The following ASH1L variants were observed in gnomAD, a reference collection of about 807,000 sequenced individuals.
ASH1L encodes the protein histone-lysine N-methyltransferase ASH1L.
Under a neutral mutation model 269.0 loss-of-function variants are expected in ASH1L, and 23 were observed. That is an observed-to-expected ratio of 0.09 (90% confidence interval 0.06 to 0.12). ASH1L has a LOEUF of 0.12. ASH1L is among the 10% of genes least tolerant of loss of function. The pLI, the probability that ASH1L is intolerant of heterozygous loss-of-function variation, is 1.00. For synonymous variants in ASH1L, 1,187 were observed against 1,253.5 expected (o/e 0.95, Z 1.12); for missense variants, 2,912 against 3,567.8 (o/e 0.82, Z 4.68).
In ASH1L at chr1:155,562,447, G is replaced by A. The variant is rs562456636; in HGVS notation, c.-394C>T. The A allele has an allele frequency of 4.1e-6, 6 of 1,466,432 alleles. No homozygotes were observed. The East Asian group carries it at 1.2e-4, about 30-fold the overall frequency. The allele number at this position is 1,466,432 out of a possible 1,614,324, so 90.8% of individuals were successfully genotyped here. A position where few individuals can be genotyped will look rare whatever the true frequency, so the allele number is the denominator to read the frequency against. ...GGGAGCGGCGGCGGCGGCGGCGGCA[G>A]CAGCAGAGTGGCGGCGGTGGCGGCG... On this transcript the variant is annotated 5_prime_UTR_variant, in exon 1 of 28. Transcript: ENST00000392403.
intron 2 of ASH1L, among the ~76,000 whole-genome samples, chr1:155,517,793 CTTTTT>C (rs780065449): frequency 8.5e-5 from 6 of 70,918 alleles, no homozygotes; most frequent in Non-Finnish European, 1.0e-4. Flanking sequence ...CCAATAATTT[CTTTTT>C]TTTTTTTTTT....
chr1:155,533,989 A>G lies in ASH1L; in HGVS notation c.-99-12371T>C, dbSNP rs148433916. Among the ~76,000 whole-genome samples, 201 of 152,056 alleles carry G rather than the reference A, an allele frequency of 1.3e-3. 2 individuals carry two copies. Among genetic ancestry groups the G allele is most frequent in the African/African-American group, 4.0e-3 (165 of 41,536 alleles). On this transcript the variant is annotated intron_variant, in intron 1 of 27. Transcript: ENST00000392403. ...CTGTAGATACCGTCATGAGTAACAC[A>G]AACATGGTCCTTGGTCTCATGAACT...
intron 5 of ASH1L, among the ~76,000 whole-genome samples, chr1:155,436,178 T>A (rs1222070272): frequency 6.6e-6 from 1 of 152,152 alleles, no homozygotes; most frequent in Non-Finnish European, 1.5e-5. Flanking sequence ...GTTTACAGTT[T>A]TATTTTTATT....
Position 155,357,759 on chromosome 1 carries a change from G to A in ASH1L, c.6796-10C>T, listed in dbSNP as rs1356906499. ...CACACTTACAAAGTTGCTTTGAAGGGAGAGAATAATTTTTTTATTTTTATT... is the reference window on the plus strand; with the variant it reads ...CACACTTACAAAGTTGCTTTGAAGGAAGAGAATAATTTTTTTATTTTTATT... On this transcript the variant is annotated splice_polypyrimidine_tract_variant and intron_variant, in intron 13 of 27. Transcript: ENST00000392403. 1.9e-6 allele frequency: 3 copies of A among 1,598,738 alleles called. No homozygotes were observed. The South Asian group carries it at 3.4e-5, about 18-fold the overall frequency.
intron 5 of ASH1L, among the ~76,000 whole-genome samples, chr1:155,437,138 T>A (rs555348253): frequency 1.1e-4 from 17 of 152,226 alleles, no homozygotes; most frequent in Non-Finnish European, 2.2e-4. Context: ...ATTTTGTACG[T>A]CAAAAGACAG....
At chr1:155,488,502 C>CAAAAAAAA (rs368511587) in intron 2 of ASH1L, among the ~76,000 whole-genome samples, 31 of 41,268 alleles carry the variant, frequency 7.5e-4, no homozygotes, top group African/African-American at 1.9e-3. Context: ...ACTAAAAATA[C>CAAAAAAAA]AAAAAAAAAA....
chr1:155,514,283 A>G (rs1668359958), intron 2 of ASH1L, among the ~76,000 whole-genome samples: 1 of 152,214 alleles, frequency 6.6e-6, no homozygotes, highest in Admixed American at 6.5e-5. Flanking sequence ...TAAAATGGAA[A>G]AAGTTCAGGT....
intron 2 of ASH1L, among the ~76,000 whole-genome samples, chr1:155,515,378 G>A (rs977527142): frequency 1.3e-5 from 2 of 152,114 alleles, no homozygotes; most frequent in Non-Finnish European, 2.9e-5. Context: ...AGCAGGATGC[G>A]TAAAATCCTT....
At chr1:155,367,082 C>T (rs569330417) in intron 12 of ASH1L, among the ~76,000 whole-genome samples, 2 of 151,590 alleles carry the variant, frequency 1.3e-5, no homozygotes, top group Admixed American at 1.3e-4. Context: ...CAACCTCCGC[C>T]TCCCAGGTTC....
intron 5 of ASH1L, chr1:155,419,540 T>C (rs1660501319): frequency 6.6e-6 from 1 of 152,190 alleles, no homozygotes; most frequent in Admixed American, 6.6e-5. Context: ...CAGGTGATTC[T>C]TGTTCCACAC....
intron 1 of ASH1L, among the ~76,000 whole-genome samples, chr1:155,551,202 T>C (rs1481294707): frequency 6.6e-6 from 1 of 152,154 alleles, no homozygotes; most frequent in African/African-American, 2.4e-5. Context: ...GATGATTTAA[T>C]CCACTGATAT....
intron 5 of ASH1L, among the ~76,000 whole-genome samples, chr1:155,420,084 G>A (rs1450824572): frequency 6.6e-6 from 1 of 152,136 alleles, no homozygotes; most frequent in Admixed American, 6.6e-5. Flanking sequence ...GTGGGAGGAT[G>A]AGGCGGGCGG....
intron 6 of ASH1L, among the ~76,000 whole-genome samples, chr1:155,412,261 T>A (rs1159129449): frequency 6.6e-6 from 1 of 150,900 alleles, no homozygotes; most frequent in South Asian, 2.1e-4. Context: ...AAAAAAAATT[T>A]AGCTGGGTGT....
Position 155,433,708 on chromosome 1 carries a change from G to C in ASH1L, c.5828+4619C>G, listed in dbSNP as rs574878503. The C allele has an allele frequency of 1.1e-5, 18 of 1,600,780 alleles. No homozygotes were observed. In the East Asian group the frequency reaches 3.4e-4, roughly 30 times the overall value. On this transcript the variant is annotated intron_variant, in intron 5 of 27. Transcript: ENST00000392403. ...GGCTCACCCTGGGGGTTCTATTTGG[G>C]AAGGTGTTCAGCCAAACGACCATCT...
In ASH1L at chr1:155,337,239, T is replaced by C. The variant is rs1215917501; in HGVS notation, c.*421A>G. ...CAACAGAGAATAGATGGGGTAGGAA[T>C]AGGGATCCTGGCCCTATCCCTTTGG... On this transcript the variant is annotated 3_prime_UTR_variant, in exon 28 of 28. Transcript: ENST00000392403. 1.3e-5 allele frequency: 2 copies of C among 155,962 alleles called. No homozygotes were observed. Among genetic ancestry groups the C allele is most frequent in the Non-Finnish European group, 2.8e-5 (2 of 70,524 alleles). The allele number at this position is 155,962 out of a possible 1,614,324, so 9.7% of individuals were successfully genotyped here. A position where few individuals can be genotyped will look rare whatever the true frequency, so the allele number is the denominator to read the frequency against.
At chr1:155,385,385 G>A (rs1430046306) in intron 7 of ASH1L, among the ~76,000 whole-genome samples, 3 of 152,170 alleles carry the variant, frequency 2.0e-5, no homozygotes, top group African/African-American at 4.8e-5. Flanking sequence ...TAGAGGCTAC[G>A]GTGGGCAGAG....
At position 155,360,337 on chromosome 1, in the gene ASH1L, A is replaced by G. The variant is rs541952915; in HGVS notation, c.6759T>C (p.Tyr2253=). 18 of 1,613,652 alleles carry G rather than the reference A, an allele frequency of 1.1e-5. No individual in the cohort carries two copies. Among genetic ancestry groups the G allele is most frequent in the East Asian group, 4.5e-5 (2 of 44,878 alleles). ...CATTGAAGGAATGAAAGTTATAATC[A>G]TAAGTGAGTTCAGTCCCAGCTGGCA... ...KDMPAGTELT[Y]DYNFHSFNVE... The change falls in exon 13 of 28, where the codon TAT becomes TAC. Residue 2253 remains tyrosine (Y), a synonymous_variant. Coordinates refer to ENST00000392403, the MANE Select transcript of ASH1L (RefSeq NM_018489.3).
At chr1:155,398,865 T>A (rs2148492799) in intron 6 of ASH1L, among the ~76,000 whole-genome samples, 1 of 152,084 alleles carries the variant, frequency 6.6e-6, no homozygotes, top group African/African-American at 2.4e-5. Context: ...GAACTACAGG[T>A]GCATGCTACC....
At chr1:155,550,453 A>T (rs1228891659) in intron 1 of ASH1L, among the ~76,000 whole-genome samples, 3 of 152,130 alleles carry the variant, frequency 2.0e-5, no homozygotes, top group Non-Finnish European at 4.4e-5. Flanking sequence ...TTAAGTCCCT[A>T]TGTTATCTGG....
Sources: gnomAD v4.1 joint callset for allele counts (sites outside exome capture counted in the v4.1 genomes callset) on GRCh38, gnomAD v4.1.1 for gene constraint, MANE v1.5 for transcripts, NCBI Gene and HGNC (gene_info 2026-07-23, HGNC 2026-07-21) for gene names.